The following KCNC1 variants were observed in gnomAD, a reference collection of about 807,000 sequenced individuals.
The protein encoded by KCNC1 is potassium voltage-gated channel subfamily C member 1.
In KCNC1, 8 loss-of-function variants were observed where a neutral mutation model predicts 43.4. The ratio of observed to expected loss-of-function variants is 0.18; its 90% CI spans 0.11 to 0.33. The LOEUF (loss-of-function observed/expected upper bound fraction) is 0.33. KCNC1 is among the 10% of genes least tolerant of loss of function. KCNC1 has a pLI of 1.00. For synonymous variants in KCNC1, 361 were observed against 360.5 expected, an observed-to-expected ratio of 1.00 and a Z score of -0.01; for missense variants, 420 against 836.0, an observed-to-expected ratio of 0.50 and a Z score of 6.14.
chr11:17,756,648 T>A (rs577286862), intron 1 of KCNC1, among the ~76,000 whole-genome samples: 35 of 152,190 alleles, frequency 2.3e-4, no homozygotes, highest in African/African-American at 7.7e-4. Context: ...CCAAGTGGAC[T>A]CCATTCCTAG....
rs1238668599 is a variant in KCNC1, at chr11:17,776,983, G to A, written c.1505-2473G>A. Reference sequence around the variant, plus strand: ...GTCCCTCCTCAAAGGTTAGGGTTGAGAGAAGCAGTAGGCCCTAGGGGTGTC... The same window carrying A: ...GTCCCTCCTCAAAGGTTAGGGTTGAAAGAAGCAGTAGGCCCTAGGGGTGTC... On this transcript the variant is annotated intron_variant, in intron 2 of 3. Transcript: ENST00000265969. The surrounding 1 kb of genome is among the most constrained non-coding windows in gnomAD (Gnocchi z 4.4). The A allele has an allele frequency of 2.0e-6, 2 of 985,366 alleles. No individual in the cohort carries two copies. The highest frequency in any genetic ancestry group is 1.2e-4 in the Admixed American group (2 of 16,276). The allele number at this position is 985,366 out of a possible 1,614,324, so 61.0% of individuals were successfully genotyped here. A position where few individuals can be genotyped will look rare whatever the true frequency, so the allele number is the denominator to read the frequency against.
Position 17,776,829 on chromosome 11 carries a change from C to T in KCNC1, c.1505-2627C>T. ...CTCGTTGGTTTCTCTTTCTTCAAGCCACCCCTCTGGAGTTGGGGAGGGAGA... is the reference window on the plus strand; with the variant it reads ...CTCGTTGGTTTCTCTTTCTTCAAGCTACCCCTCTGGAGTTGGGGAGGGAGA... On this transcript the variant is annotated intron_variant, in intron 2 of 3. Coordinates refer to ENST00000265969, the MANE Select transcript of KCNC1 (RefSeq NM_001112741.2). This position sits in a 1 kb window ranked among gnomAD's most constrained non-coding sequence, Gnocchi z 4.4. The T allele has an allele frequency of 1.0e-6, 1 of 985,652 alleles. No individual in the cohort carries two copies. The allele number at this position is 985,652 out of a possible 1,614,324, so 61.1% of individuals were successfully genotyped here. A position where few individuals can be genotyped will look rare whatever the true frequency, so the allele number is the denominator to read the frequency against.
intron 1 of KCNC1, among the ~76,000 whole-genome samples, chr11:17,755,578 G>A (rs1283881839): frequency 6.6e-6 from 1 of 152,040 alleles, no homozygotes; most frequent in Non-Finnish European, 1.5e-5. Context: ...CAGATTAAAT[G>A]TGAGATGTGA....
chr11:17,777,568 C>G lies in KCNC1; in HGVS notation c.1505-1888C>G. 1.0e-6 allele frequency: 1 copy of G among 985,848 alleles called. No individual in the cohort carries two copies. The highest frequency in any genetic ancestry group is 1.2e-6 in the Non-Finnish European group (1 of 829,940). 61.1% of individuals were successfully genotyped at this position (985,848 alleles called of 1,614,324 possible). A position where few individuals can be genotyped will look rare whatever the true frequency, so the allele number is the denominator to read the frequency against. ...GGCAGGACCAGCGTGTCTGCGAGCA[C>G]ACGTGTGTGCCTGCAGACATGCCCC... is the stretch of plus-strand genomic sequence containing the variant. On this transcript the variant is annotated intron_variant, in intron 2 of 3. Coordinates refer to ENST00000265969, the MANE Select transcript of KCNC1 (RefSeq NM_001112741.2). The surrounding 1 kb of genome is among the most constrained non-coding windows in gnomAD (Gnocchi z 4.3).
In KCNC1 at chr11:17,759,724, T is replaced by A. The variant is rs775779693; in HGVS notation, c.571-11941T>A. Among the ~76,000 whole-genome samples the A allele has an allele frequency of 1.7e-4, 26 of 152,114 alleles. No homozygotes were observed. The South Asian group carries it at 4.8e-3, about 28-fold the overall frequency. ...ACTCAGATAACATTTATCAATTAAG[T>A]TTGCCATCTTATACGGGTGTGATTT... On this transcript the variant is annotated intron_variant, in intron 1 of 3. Coordinates refer to ENST00000265969, the MANE Select transcript of KCNC1 (RefSeq NM_001112741.2).
At chr11:17,763,059 G>A (rs1216524541) in intron 1 of KCNC1, among the ~76,000 whole-genome samples, 1 of 152,228 alleles carries the variant, frequency 6.6e-6, no homozygotes, top group African/African-American at 2.4e-5. Context: ...CTCGGGATGG[G>A]CCAGCCCAGC....
chr11:17,762,230 G>A (rs939780570), intron 1 of KCNC1, among the ~76,000 whole-genome samples: 3 of 152,200 alleles, frequency 2.0e-5, no homozygotes, highest in African/African-American at 7.2e-5. Flanking sequence ...GGTCTCTGAA[G>A]GACAATGGTG....
chr11:17,778,063 C>CA (rs976331294), intron 2 of KCNC1, among the ~76,000 whole-genome samples: 4 of 152,190 alleles, frequency 2.6e-5, no homozygotes, highest in African/African-American at 9.7e-5. Flanking sequence ...TTCCCTCTTC[C>CA]ACAAAAGGGC....
At chr11:17,743,195 A>C (rs1210308148) in intron 1 of KCNC1, among the ~76,000 whole-genome samples, 1 of 152,254 alleles carries the variant, frequency 6.6e-6, no homozygotes, top group Non-Finnish European at 1.5e-5. Context: ...GGCTCAATGA[A>C]GTTAAGTAAC....
In KCNC1 at chr11:17,739,385, GTGTGTGTGTGTGT is replaced by G. The variant is rs762728526; in HGVS notation, c.570+2814_570+2826del. On this transcript the variant is annotated intron_variant, in intron 1 of 3. Coordinates refer to ENST00000265969, the MANE Select transcript of KCNC1 (RefSeq NM_001112741.2). The surrounding 1 kb of genome is among the most constrained non-coding windows in gnomAD (Gnocchi z 4.2). ...GGCGTGTGTGTGTGTGTGTGTGTGTGTGTGTGTGTGTGTGGTGAGACTGCGACTCTGTGCGAGC... is the reference window on the plus strand; with the variant it reads ...GGCGTGTGTGTGTGTGTGTGTGTGTGGGTGAGACTGCGACTCTGTGCGAGC... 5.3e-5 allele frequency among the ~76,000 whole-genome samples: 8 copies of G among 149,978 alleles called. No homozygotes were observed. The South Asian group carries it at 6.4e-4, about 12-fold the overall frequency.
At position 17,739,921 on chromosome 11, in the gene KCNC1, G is replaced by A. The variant is rs1848819528; in HGVS notation, c.570+3349G>A. Among the ~76,000 whole-genome samples, 1 of 152,190 alleles carries A rather than the reference G, an allele frequency of 6.6e-6. No homozygotes were observed. The highest frequency in any genetic ancestry group is 2.1e-4 in the South Asian group (1 of 4,826). The stretch of plus-strand genomic sequence containing the variant: ...GAGTGTGTGTGTGCTTGAGGAAGAT[G>A]AGATTCCAGAGCTGCTTCCTGCCCA... On this transcript the variant is annotated intron_variant, in intron 1 of 3. Coordinates refer to ENST00000265969, the MANE Select transcript of KCNC1 (RefSeq NM_001112741.2). The surrounding 1 kb of genome is among the most constrained non-coding windows in gnomAD (Gnocchi z 4.2).
At chr11:17,759,796 C>T (rs970483112) in intron 1 of KCNC1, among the ~76,000 whole-genome samples, 2 of 152,076 alleles carry the variant, frequency 1.3e-5, no homozygotes, top group Admixed American at 6.5e-5. Flanking sequence ...GATCAATGAT[C>T]ACAGGTCACC....
Position 17,773,522 on chromosome 11 carries a change from C to T in KCNC1, c.1504+924C>T. The T allele has an allele frequency of 2.0e-6, 2 of 983,084 alleles. No homozygotes were observed. Among genetic ancestry groups the T allele is most frequent in the African/African-American group, 1.8e-5 (1 of 56,426 alleles). 60.9% of individuals were successfully genotyped at this position (983,084 alleles called of 1,614,324 possible). ...GCAGCAGCAATATAGACATCCCAACCAGTGTACAACCACTTTCCCGTGAAT... is the reference window on the plus strand; with the variant it reads ...GCAGCAGCAATATAGACATCCCAACTAGTGTACAACCACTTTCCCGTGAAT... On this transcript the variant is annotated intron_variant, in intron 2 of 3. Transcript: ENST00000265969. The surrounding 1 kb of genome is among the most constrained non-coding windows in gnomAD (Gnocchi z 4.1).
At chr11:17,774,841 G>C in intron 2 of KCNC1, 1 of 985,452 alleles carries the variant, frequency 1.0e-6, no homozygotes, top group Non-Finnish European at 1.2e-6. Context: ...ACTTCCCGGT[G>C]GTGTTGGTGC....
intron 1 of KCNC1, among the ~76,000 whole-genome samples, chr11:17,750,291 G>C (rs1340832631): frequency 1.3e-5 from 2 of 152,184 alleles, no homozygotes; most frequent in Non-Finnish European, 2.9e-5. Context: ...CTGGGTATAA[G>C]GAGGCCCTGG....
chr11:17,776,760 C>T lies in KCNC1; in HGVS notation c.1505-2696C>T. On this transcript the variant is annotated intron_variant, in intron 2 of 3. Transcript: ENST00000265969. The surrounding 1 kb of genome is among the most constrained non-coding windows in gnomAD (Gnocchi z 4.4). ...ATGGGGCAGGGGCGGGGGCTCACAC[C>T]TTTGACCCTATTCATGGGTTCCCCA... The T allele has an allele frequency of 1.0e-6, 1 of 984,906 alleles. No homozygotes were observed. The allele number at this position is 984,906 out of a possible 1,614,324, so 61.0% of individuals were successfully genotyped here. A position where few individuals can be genotyped will look rare whatever the true frequency, so the allele number is the denominator to read the frequency against.
At chr11:17,778,439 T>G (rs1483489550) in intron 2 of KCNC1, among the ~76,000 whole-genome samples, 1 of 152,246 alleles carries the variant, frequency 6.6e-6, no homozygotes, top group East Asian at 1.9e-4. Flanking sequence ...CCGGGGACAC[T>G]GACCAGAGGG....
At chr11:17,764,687 C>T (rs951055318) in intron 1 of KCNC1, among the ~76,000 whole-genome samples, 3 of 152,312 alleles carry the variant, frequency 2.0e-5, no homozygotes, top group Middle Eastern at 3.4e-3. Context: ...CCAGACGCTG[C>T]GCTCGGGGGC....
intron 1 of KCNC1, among the ~76,000 whole-genome samples, chr11:17,761,674 C>A (rs1374546643): frequency 6.6e-6 from 1 of 152,220 alleles, no homozygotes; most frequent in Non-Finnish European, 1.5e-5. Flanking sequence ...TACTTGCCAG[C>A]ACCTACCGTG....
Sources: allele counts gnomAD v4.1 joint callset (sites outside exome capture counted in the v4.1 genomes callset), GRCh38; gene constraint gnomAD v4.1.1; non-coding constraint Gnocchi (gnomAD v3.1); transcripts MANE v1.5; gene names NCBI Gene and HGNC (gene_info 2026-07-23, HGNC 2026-07-21).